The following IHO1 variants were observed in gnomAD, a reference collection of about 807,000 sequenced individuals.
IHO1 encodes interactor of HORMAD1 1, also known as interactor of HORMAD1 protein 1.
Under a neutral mutation model 31.0 loss-of-function variants are expected in IHO1, and 13 were observed. That is an observed-to-expected ratio of 0.42 (90% CI 0.27 to 0.67). The LOEUF is 0.67. IHO1 is among the 30% of genes least tolerant of loss of function. IHO1 has a pLI of 0.24. For missense variants in IHO1, 599 were observed against 687.5 expected, an observed-to-expected ratio of 0.87 and a Z score of 1.44; for synonymous variants, 221 against 248.4, an observed-to-expected ratio of 0.89 and a Z score of 1.04.
rs1430457988 is a variant in IHO1, at chr3:49,244,403, G to C, written c.396-1G>C. 1 of 1,536,350 alleles carries C rather than the reference G, an allele frequency of 6.5e-7. No individual in the cohort carries two copies. Among genetic ancestry groups the C allele is most frequent in the African/African-American group, 1.4e-5 (1 of 72,544 alleles). On this transcript the variant is annotated splice_acceptor_variant, in intron 4 of 7. Transcript: ENST00000452691. LOFTEE classifies it high-confidence loss of function. ...GTTTTCTTTTTTCCCTCCTATTCTA[G>C]TGAGACTCTATACAACTTTGTTTCT...
intron 2 of IHO1, among the ~76,000 whole-genome samples, chr3:49,234,468 C>G (rs1019541714): frequency 3.3e-5 from 5 of 152,014 alleles, no homozygotes; most frequent in African/African-American, 1.2e-4. Flanking sequence ...GCATGAGCCA[C>G]CACGCCCAGG....
At chr3:49,251,990 C>G (rs754156106) in intron 6 of IHO1, 1 of 151,982 alleles carries the variant, frequency 6.6e-6, no homozygotes, top group African/African-American at 2.4e-5. Flanking sequence ...TGCCGCCACA[C>G]CCGGCTAATT....
At chr3:49,230,207 A>T (rs892975973) in intron 2 of IHO1, among the ~76,000 whole-genome samples, 2 of 152,234 alleles carry the variant, frequency 1.3e-5, no homozygotes, top group African/African-American at 4.8e-5. Flanking sequence ...CATAGCTCCA[A>T]CATTTTCCCT....
intron 2 of IHO1, among the ~76,000 whole-genome samples, chr3:49,232,055 C>T (rs1225525362): frequency 6.6e-6 from 1 of 152,216 alleles, no homozygotes; most frequent in Non-Finnish European, 1.5e-5. Context: ...GGAGAGTCTT[C>T]TGCCTGTGTT....
At position 49,256,423 on chromosome 3, in the gene IHO1, G is replaced by T; in HGVS notation, c.926G>T (p.Gly309Val). Residue 309 changes from glycine to valine, a missense_variant, in exon 8 of 8, where the codon GGT becomes GTT. By Grantham distance (109) the Gly-to-Val change is moderately radical. Transcript: ENST00000452691. The surrounding 1 kb of genome is among the most constrained non-coding windows in gnomAD (Gnocchi z 4.6). ...GCCCTCCCTGCTGCATGGAATCCTGGTATGGGCTCCCTACAGCCTGGAGAA... is the reference window on the plus strand; with the variant it reads ...GCCCTCCCTGCTGCATGGAATCCTGTTATGGGCTCCCTACAGCCTGGAGAA... ...AQALPAAWNP[G>V]MGSLQPGEFD... The T allele has an allele frequency of 6.2e-7, 1 of 1,614,166 alleles. No homozygotes were observed. Among genetic ancestry groups the T allele is most frequent in the Non-Finnish European group, 8.5e-7 (1 of 1,180,030 alleles).
At chr3:49,248,491 G>A (rs2046723483) in intron 6 of IHO1, among the ~76,000 whole-genome samples, 1 of 152,044 alleles carries the variant, frequency 6.6e-6, no homozygotes, top group African/African-American at 2.4e-5. Context: ...CACTTTGGGA[G>A]GCCGAGGTGG....
intron 4 of IHO1, 113 bp downstream of exon 4, chr3:49,241,502 C>A: frequency 1.0e-6 from 1 of 974,116 alleles, no homozygotes; most frequent in Non-Finnish European, 1.5e-6. Flanking sequence ...TATTAGAGTT[C>A]TCCAGAGAAA....
At chr3:49,215,773 TAGTGC>T (rs1203008474) in intron 2 of IHO1, among the ~76,000 whole-genome samples, 1 of 152,212 alleles carries the variant, frequency 6.6e-6, no homozygotes, top group Non-Finnish European at 1.5e-5. Context: ...AGGAGGCATC[TAGTGC>T]AGTGATCTGG....
At chr3:49,232,191 T>C (rs774521171) in intron 2 of IHO1, among the ~76,000 whole-genome samples, 1 of 152,210 alleles carries the variant, frequency 6.6e-6, no homozygotes, top group Non-Finnish European at 1.5e-5. Context: ...TTAAACACAT[T>C]ACTGACATTC....
In IHO1 at chr3:49,211,946, A is replaced by C. The variant is rs879245728; in HGVS notation, c.56+110A>C. ...GGGAGGCCAAGGTGGGCAGATCACA[A>C]GATCAGGAGATCAGGACCATCCTGG... On this transcript the variant is annotated intron_variant, in intron 2 of 7. Coordinates refer to ENST00000452691, the MANE Select transcript of IHO1 (RefSeq NM_001135197.2). 5 of 652,716 alleles carry C rather than the reference A, an allele frequency of 7.7e-6. No individual in the cohort carries two copies. In the South Asian group the frequency reaches 8.3e-5, roughly 11 times the overall value. The allele number at this position is 652,716 out of a possible 1,614,324, so 40.4% of individuals were successfully genotyped here. A position where few individuals can be genotyped will look rare whatever the true frequency, so the allele number is the denominator to read the frequency against.
chr3:49,241,609 A>G (rs1187215590), intron 4 of IHO1, among the ~76,000 whole-genome samples: 4 of 151,706 alleles, frequency 2.6e-5, no homozygotes, highest in Non-Finnish European at 5.9e-5. Context: ...AGAAAGAGGG[A>G]GAGAGAGAAT....
chr3:49,257,024 A>G lies in IHO1; in HGVS notation c.1527A>G (p.Arg509=). The stretch of plus-strand genomic sequence containing the variant: ...ATCTGCAGTGTCCCAGGAGCCCCAG[A>G]AAACCAGTCTGCCCTATTCTGGGAG... ...PLHLQCPRSP[R]KPVCPILGGT... The change falls in exon 8 of 8, where the codon AGA becomes AGG. Residue 509 remains arginine (R), a synonymous_variant. Transcript: ENST00000452691. 1.2e-6 allele frequency: 2 copies of G among 1,614,204 alleles called. No individual in the cohort carries two copies. The highest frequency in any genetic ancestry group is 1.7e-6 in the Non-Finnish European group (2 of 1,180,024).
At chr3:49,234,897 A>T (rs757393210) in intron 2 of IHO1, among the ~76,000 whole-genome samples, 7 of 151,540 alleles carry the variant, frequency 4.6e-5, no homozygotes, top group Middle Eastern at 3.4e-3. Flanking sequence ...CCCAGGCTGG[A>T]GTGCAGTGGC....
intron 6 of IHO1, among the ~76,000 whole-genome samples, chr3:49,253,620 T>A (rs1193266854): frequency 6.6e-6 from 1 of 152,056 alleles, no homozygotes; most frequent in Admixed American, 6.6e-5. Flanking sequence ...TAATATTCTT[T>A]CCCTTACAGT....
At chr3:49,197,440 C>T (rs1001903453), upstream of IHO1, among the ~76,000 whole-genome samples, 3 of 152,262 alleles carry the variant, frequency 2.0e-5, no homozygotes, top group Non-Finnish European at 2.9e-5. Context: ...GGATTACAGG[C>T]ATGAGCTATG....
chr3:49,244,407 G>A lies in IHO1; in HGVS notation c.399G>A (p.Glu133=), dbSNP rs757240147. 4.5e-6 allele frequency: 7 copies of A among 1,541,884 alleles called. No individual in the cohort carries two copies. The African/African-American group carries it at 6.9e-5, about 15-fold the overall frequency. ...TCTTTTTTCCCTCCTATTCTAGTGA[G>A]ACTCTATACAACTTTGTTTCTAATG... The part of the protein sequence containing the change: ...KKRAKDKCDS[E]TLYNFVSNVR... Residue 133 remains glutamate, a synonymous_variant, in exon 5 of 8, where the codon GAG becomes GAA. Transcript: ENST00000452691.
At chr3:49,195,416 C>T (rs1369800060), upstream of IHO1, among the ~76,000 whole-genome samples, 1 of 140,242 alleles carries the variant, frequency 7.1e-6, no homozygotes, top group African/African-American at 2.7e-5. Context: ...AGCAAGACTC[C>T]ATCTCAAAAA....
chr3:49,201,940 T>A (rs2046075057), intron 1 of IHO1, among the ~76,000 whole-genome samples: 1 of 152,118 alleles, frequency 6.6e-6, no homozygotes, highest in African/African-American at 2.4e-5. Context: ...AACCATATAT[T>A]TTAAATTTGT....
At chr3:49,252,279 C>G (rs894336083) in intron 6 of IHO1, 1 of 155,134 alleles carries the variant, frequency 6.4e-6, no homozygotes, top group African/African-American at 2.4e-5. Flanking sequence ...AATTTACACA[C>G]TGAGGGAGTG....
Sources: gnomAD v4.1 joint callset for allele counts (sites outside exome capture counted in the v4.1 genomes callset) on GRCh38, gnomAD v4.1.1 for gene constraint, Gnocchi (gnomAD v3.1) non-coding constraint, MANE v1.5 for transcripts, NCBI Gene and HGNC (gene_info 2026-07-23, HGNC 2026-07-21) for gene names.